The following ZIK1 variants were observed in gnomAD, a reference collection of about 807,000 sequenced individuals.
The protein encoded by ZIK1 is zinc finger protein interacting with K protein 1, also known as zinc finger protein interacting with ribonucleoprotein K.
A neutral mutation model predicts 10.7 loss-of-function variants in ZIK1; 12 were observed. The observed-to-expected ratio is 1.12, with a 90% confidence interval of 0.72 to 1.81. ZIK1 has a LOEUF of 1.81. ZIK1 is among the 40% of genes most tolerant of loss of function. The pLI is 0.00. For missense variants in ZIK1, 497 were observed against 585.7 expected (o/e 0.85, Z 1.56); for synonymous variants, 190 against 205.0 (o/e 0.93, Z 0.63).
chr19:57,589,201 C>G lies in ZIK1; in HGVS notation c.199+536C>G, dbSNP rs1979435934. On this transcript the variant is annotated intron_variant, in intron 3 of 3. Coordinates refer to ENST00000597850, the MANE Select transcript of ZIK1 (RefSeq NM_001010879.4). ...AGGACTTGGCTTCATGAAGGTCCCA[C>G]ATAGCTAGACAACTGAGGGTGTGCA... is the stretch of plus-strand genomic sequence containing the variant. 6 of 949,706 alleles carry G rather than the reference C, an allele frequency of 6.3e-6. No individual in the cohort carries two copies. In the South Asian group the frequency reaches 2.4e-4, roughly 38 times the overall value. The allele number at this position is 949,706 out of a possible 1,614,324, so 58.8% of individuals were successfully genotyped here. A position where few individuals can be genotyped will look rare whatever the true frequency, so the allele number is the denominator to read the frequency against.
At chr19:57,589,188 C>T in intron 3 of ZIK1, 1 of 893,620 alleles carries the variant, frequency 1.1e-6, no homozygotes, top group Non-Finnish European at 1.3e-6. Flanking sequence ...GACTTGGCTT[C>T]ATGAAGGTCC....
At chr19:57,587,243 C>T (rs1979246662) in intron 2 of ZIK1, among the ~76,000 whole-genome samples, 1 of 152,090 alleles carries the variant, frequency 6.6e-6, no homozygotes, top group African/African-American at 2.4e-5. Context: ...GGGGACGCAG[C>T]CAAATCATAT....
chr19:57,584,540 T>G (rs1978953691), intron 1 of ZIK1, 151 bp downstream of exon 1: 19 of 1,419,410 alleles, frequency 1.3e-5, no homozygotes, highest in Non-Finnish European at 1.7e-5. Context: ...CGGAAGAGGG[T>G]TACAGGCAAA....
Position 57,584,368 on chromosome 19 carries a change from C to T in ZIK1, c.12C>T (p.Ala4=), listed in dbSNP as rs745651852. 6.2e-7 allele frequency: 1 copy of T among 1,604,574 alleles called. No individual in the cohort carries two copies. The highest frequency in any genetic ancestry group is 1.3e-5 in the African/African-American group (1 of 74,862). The change falls in exon 1 of 4, where the codon GCC becomes GCT. Residue 4 remains alanine (A), a synonymous_variant. Transcript: ENST00000597850. ...GCCCACAGACTCCGATGGCTGCGGC[C>T]GCGCTGAGGGCCCCGACTCAGGTGA... MAA[A]ALRAPTQVTV...
chr19:57,589,443 T>C, intron 3 of ZIK1: 1 of 985,450 alleles, frequency 1.0e-6, no homozygotes, highest in Non-Finnish European at 1.2e-6. Flanking sequence ...ATTATTTTTA[T>C]CTATGACTTC....
At chr19:57,585,106 C>A in intron 2 of ZIK1, 116 bp downstream of exon 2, 1 of 888,162 alleles carries the variant, frequency 1.1e-6, no homozygotes, top group Non-Finnish European at 1.7e-6. Flanking sequence ...AAACTGGAAG[C>A]TTGACATCCT....
intron 3 of ZIK1, 43 bp from the exon 4 acceptor site, chr19:57,589,968 A>G (rs1386841909): frequency 5.0e-6 from 8 of 1,584,572 alleles, no homozygotes; most frequent in Non-Finnish European, 6.9e-6. Flanking sequence ...TCTTGCTCTC[A>G]GCATAGTCAA....
At position 57,588,541 on chromosome 19, in the gene ZIK1, C is replaced by A; in HGVS notation, c.75C>A (p.Gly25=). The part of the protein sequence containing the change: ...SPETHMDLTK[G]CVTFEDIAIY... ...GTGACCTGTCCCCATCATGACAGGG[C>A]TGTGTGACCTTTGAGGACATCGCCA... Residue 25 remains glycine (G), a splice_region_variant and synonymous_variant, in exon 3 of 4, where the codon GGC becomes GGA. Transcript: ENST00000597850. 1.3e-6 allele frequency: 2 copies of A among 1,516,056 alleles called. No homozygotes were observed. The highest frequency in any genetic ancestry group is 1.3e-5 in the South Asian group (1 of 74,886). 93.9% of individuals were successfully genotyped at this position (1,516,056 alleles called of 1,614,324 possible).
chr19:57,588,933 C>T (rs1979411306), intron 3 of ZIK1, among the ~76,000 whole-genome samples: 1 of 151,940 alleles, frequency 6.6e-6, no homozygotes, highest in Admixed American at 6.5e-5. Context: ...TCCATGACAC[C>T]TTGTGTCCCA....
chr19:57,586,992 G>A (rs185491585), intron 2 of ZIK1, among the ~76,000 whole-genome samples: 64 of 152,312 alleles, frequency 4.2e-4, no homozygotes, highest in Middle Eastern at 3.4e-3. Context: ...ATGATTCCGC[G>A]TGGCTGGGGA....
At position 57,584,348 on chromosome 19, in the gene ZIK1, C is replaced by T. The variant is rs755082998; in HGVS notation, c.-9C>T. The T allele has an allele frequency of 6.3e-7, 1 of 1,597,242 alleles. No individual in the cohort carries two copies. The highest frequency in any genetic ancestry group is 1.7e-5 in the Admixed American group (1 of 58,346). ...TCGGGTCCCGGCCCCGCTCTGCCCA[C>T]AGACTCCGATGGCTGCGGCCGCGCT... On this transcript the variant is annotated 5_prime_UTR_variant, in exon 1 of 4. Coordinates refer to ENST00000597850, the MANE Select transcript of ZIK1 (RefSeq NM_001010879.4).
Position 57,590,852 on chromosome 19 carries a change from A to G in ZIK1, c.1041A>G (p.Gly347=). 6.2e-7 allele frequency: 1 copy of G among 1,613,844 alleles called. No individual in the cohort carries two copies. The highest frequency in any genetic ancestry group is 1.1e-5 in the South Asian group (1 of 91,082). ...TLVKHQRVHT[G]ERPYKCGECG... ...TTAAACACCAAAGAGTTCACACTGG[A>G]GAAAGGCCTTATAAGTGTGGTGAAT... Residue 347 remains glycine (G), a synonymous_variant, in exon 4 of 4, where the codon GGA becomes GGG. Coordinates refer to ENST00000597850, the MANE Select transcript of ZIK1 (RefSeq NM_001010879.4).
rs552942960 is a variant in ZIK1 at position 57,592,480 on chromosome 19, G to A, written c.*1205G>A. On this transcript the variant is annotated 3_prime_UTR_variant, in exon 4 of 4. Coordinates refer to ENST00000597850, the MANE Select transcript of ZIK1 (RefSeq NM_001010879.4). Reference sequence around the variant, plus strand: ...AGGGTTTTATTTTTTAATTCTTGTTGGTTTTCTAGGTTGTTCACCTCAAGT... The same window carrying A: ...AGGGTTTTATTTTTTAATTCTTGTTAGTTTTCTAGGTTGTTCACCTCAAGT... 1 of 152,272 alleles carries A rather than the reference G, an allele frequency of 6.6e-6. No individual in the cohort carries two copies. Among genetic ancestry groups the A allele is most frequent in the Admixed American group, 6.5e-5 (1 of 15,294 alleles). 9.4% of individuals were successfully genotyped at this position (152,272 alleles called of 1,614,324 possible). A position where few individuals can be genotyped will look rare whatever the true frequency, so the allele number is the denominator to read the frequency against.
rs1032997945 is a variant in ZIK1, at chr19:57,592,102, T to C, written c.*827T>C. On this transcript the variant is annotated 3_prime_UTR_variant, in exon 4 of 4. Transcript: ENST00000597850. ...GAGAGGCCAGCTGTTATGACAAGCA[T>C]GTGTGCTTCAGGGAATAGGACAATT... 8 of 152,348 alleles carry C rather than the reference T, an allele frequency of 5.3e-5. No homozygotes were observed. Among genetic ancestry groups the C allele is most frequent in the African/African-American group, 7.2e-5 (3 of 41,582 alleles). The allele number at this position is 152,348 out of a possible 1,614,324, so 9.4% of individuals were successfully genotyped here. A position where few individuals can be genotyped will look rare whatever the true frequency, so the allele number is the denominator to read the frequency against.
rs982868347 is a variant in ZIK1 at position 57,590,690 on chromosome 19, G to A, written c.879G>A (p.Arg293=). 6.2e-7 allele frequency: 1 copy of A among 1,614,132 alleles called. No individual in the cohort carries two copies. The highest frequency in any genetic ancestry group is 1.3e-5 in the African/African-American group (1 of 75,024). Residue 293 remains arginine, a synonymous_variant, in exon 4 of 4, where the codon AGG becomes AGA. Coordinates refer to ENST00000597850, the MANE Select transcript of ZIK1 (RefSeq NM_001010879.4). ...ATCGGAGAATCCACACCGGAGAAAGGCCTTATGAGTGCAGCGAATGTGGAA... is the reference window on the plus strand; with the variant it reads ...ATCGGAGAATCCACACCGGAGAAAGACCTTATGAGTGCAGCGAATGTGGAA... ...NDHRRIHTGE[R]PYECSECGKL...
chr19:57,584,848 A>G (rs1008027496), intron 1 of ZIK1, 104 bp from the exon 2 acceptor site: 5 of 1,345,914 alleles, frequency 3.7e-6, no homozygotes, highest in Non-Finnish European at 5.2e-6. Context: ...TAATGCAGGC[A>G]TCCTCAGTCC....
rs1458621008 is a variant in ZIK1, at chr19:57,590,334, G to T, written c.523G>T (p.Asp175Tyr). 6.2e-7 allele frequency: 1 copy of T among 1,614,170 alleles called. No individual in the cohort carries two copies. Among genetic ancestry groups the T allele is most frequent in the Non-Finnish European group, 8.5e-7 (1 of 1,180,026 alleles). ...KPFRKWEVGK[D>Y]LPAMLRLLRS... ...CTTTCGCAAATGGGAGGTTGGAAAG[G>T]ACCTTCCAGCCATGTTGCGGCTTCT... is the stretch of plus-strand genomic sequence containing the variant. The change falls in exon 4 of 4, where the codon GAC becomes TAC. Residue 175 changes from aspartate to tyrosine, a missense_variant. By Grantham distance (160) the Asp-to-Tyr change is radical (BLOSUM62 -3). Transcript: ENST00000597850.
chr19:57,586,831 A>G (rs903339288), intron 2 of ZIK1, among the ~76,000 whole-genome samples: 3 of 152,134 alleles, frequency 2.0e-5, no homozygotes, highest in African/African-American at 7.2e-5. Context: ...CTGTTCCCCA[A>G]TTCCAAAATT....
chr19:57,591,261 TGTC>T lies in ZIK1; in HGVS notation c.1451_1453del (p.Cys484_His485delinsTyr). On this transcript the variant is annotated inframe_deletion, in exon 4 of 4. Transcript: ENST00000597850. ...CTCCAGCCTCATACATCACCAAAAATGTCATAACACATAGAGGCCTCATGAATG... is the reference window on the plus strand; with the variant it reads ...CTCCAGCCTCATACATCACCAAAAATATAACACATAGAGGCCTCATGAATG... The T allele has an allele frequency of 1.2e-6, 2 of 1,609,468 alleles. No homozygotes were observed. Among genetic ancestry groups the T allele is most frequent in the Non-Finnish European group, 1.7e-6 (2 of 1,177,116 alleles).
Sources: allele counts gnomAD v4.1 joint callset (sites outside exome capture counted in the v4.1 genomes callset), GRCh38; gene constraint gnomAD v4.1.1; transcripts MANE v1.5; gene names NCBI Gene and HGNC (gene_info 2026-07-23, HGNC 2026-07-21).